THSD7A: variants seen among roughly 807,000 people sequenced by gnomAD.
The protein encoded by THSD7A is thrombospondin type-1 domain-containing protein 7A.
Under a neutral mutation model 231.3 loss-of-function variants are expected in THSD7A, and 96 were observed. That is an observed-to-expected ratio of 0.41 (90% CI 0.35 to 0.49). The LOEUF (loss-of-function observed/expected upper bound fraction) is 0.49. Ranked by LOEUF, THSD7A falls within the 20% of genes least tolerant of loss-of-function variation. The probability of loss-of-function intolerance (pLI) is 0.05; values close to 1 mark genes in which losing one functional copy is unlikely to be tolerated. For synonymous variants in THSD7A, 940 were observed against 743.3 expected, an observed-to-expected ratio of 1.26 and a Z score of -4.30; for missense variants, 2,290 against 2,070.2, an observed-to-expected ratio of 1.11 and a Z score of -2.06.
At chr7:11,826,761 A>C (rs530346880) in intron 1 of THSD7A, among the ~76,000 whole-genome samples, 1 of 151,196 alleles carries the variant, frequency 6.6e-6, no homozygotes, top group Non-Finnish European at 1.5e-5. Context: ...GCAGTGAGCC[A>C]AGATCATGCC....
At chr7:11,582,238 CT>C (rs1348638868) in intron 4 of THSD7A, among the ~76,000 whole-genome samples, 1 of 151,312 alleles carries the variant, frequency 6.6e-6, no homozygotes, top group African/African-American at 2.4e-5. Context: ...ATTATTAATA[CT>C]TGATTATATT....
At chr7:11,642,859 G>T (rs760256016) in intron 1 of THSD7A, among the ~76,000 whole-genome samples, 15 of 151,964 alleles carry the variant, frequency 9.9e-5, no homozygotes, top group Non-Finnish European at 2.1e-4. Flanking sequence ...GTTCAAAACT[G>T]TCTCTTTATT....
intron 5 of THSD7A, 146 bp downstream of exon 5, chr7:11,542,816 A>T: frequency 1.2e-6 from 1 of 851,298 alleles, no homozygotes; most frequent in Non-Finnish European, 1.8e-6. Context: ...ATCACTGGAG[A>T]AGGTTAATTC....
At chr7:11,471,344 T>C (rs1042870223) in intron 8 of THSD7A, among the ~76,000 whole-genome samples, 2 of 152,008 alleles carry the variant, frequency 1.3e-5, no homozygotes, top group African/African-American at 4.8e-5. Flanking sequence ...AAATATTTTG[T>C]AGCTCAAGTT....
At chr7:11,812,842 C>A (rs1784572789) in intron 1 of THSD7A, among the ~76,000 whole-genome samples, 1 of 152,088 alleles carries the variant, frequency 6.6e-6, no homozygotes, top group Non-Finnish European at 1.5e-5. Flanking sequence ...GTCCTGGCTG[C>A]TGGTTTTAAA....
At chr7:11,460,483 C>T (rs1351528876) in intron 11 of THSD7A, among the ~76,000 whole-genome samples, 179 bp downstream of exon 11, 1 of 152,092 alleles carries the variant, frequency 6.6e-6, no homozygotes, top group African/African-American at 2.4e-5. Context: ...TGCCAAAGAA[C>T]AATGGGAACA....
intron 2 of THSD7A, among the ~76,000 whole-genome samples, chr7:11,626,258 C>T (rs1055350628): frequency 6.6e-6 from 1 of 151,886 alleles, no homozygotes; most frequent in African/African-American, 2.4e-5. Context: ...GTTCTTACAA[C>T]ACAAAATAAT....
At chr7:11,516,354 T>G (rs1788029394) in intron 6 of THSD7A, among the ~76,000 whole-genome samples, 1 of 152,218 alleles carries the variant, frequency 6.6e-6, no homozygotes, top group South Asian at 2.1e-4. Context: ...TAAGCTAATG[T>G]CCGTGTACCC....
intron 1 of THSD7A, among the ~76,000 whole-genome samples, chr7:11,672,662 A>G (rs1454126232): frequency 1.3e-5 from 2 of 152,154 alleles, no homozygotes; most frequent in Non-Finnish European, 2.9e-5. Context: ...ATAGTATCAC[A>G]CACTCACTTT....
At chr7:11,812,937 G>A (rs1409842461) in intron 1 of THSD7A, among the ~76,000 whole-genome samples, 1 of 152,130 alleles carries the variant, frequency 6.6e-6, no homozygotes. Context: ...TATTAATGAA[G>A]AAATCGTGAG....
chr7:11,733,921 A>G (rs995724930), intron 1 of THSD7A, among the ~76,000 whole-genome samples: 5 of 151,866 alleles, frequency 3.3e-5, no homozygotes, highest in African/African-American at 1.2e-4. Context: ...ATGTCTGGCT[A>G]CTATATTACC....
intron 4 of THSD7A, among the ~76,000 whole-genome samples, chr7:11,583,784 A>G (rs1791274048): frequency 1.3e-5 from 2 of 152,120 alleles, no homozygotes; most frequent in African/African-American, 4.8e-5. Context: ...CAGGCATTCT[A>G]GTAGTACCAG....
At chr7:11,753,956 A>G (rs1298022120) in intron 1 of THSD7A, among the ~76,000 whole-genome samples, 2 of 151,990 alleles carry the variant, frequency 1.3e-5, no homozygotes, top group Non-Finnish European at 2.9e-5. Flanking sequence ...ACAACAACAA[A>G]CAGACACACT....
At chr7:11,516,032 T>G (rs1788017411) in intron 6 of THSD7A, among the ~76,000 whole-genome samples, 1 of 152,156 alleles carries the variant, frequency 6.6e-6, no homozygotes, top group Non-Finnish European at 1.5e-5. Context: ...GAACTTTTGG[T>G]TGTGATCATT....
At chr7:11,485,818 T>C (rs73068765) in intron 6 of THSD7A, among the ~76,000 whole-genome samples, 20,441 of 152,256 alleles carry the variant, frequency 0.13, 1,536 homozygotes, top group Middle Eastern at 0.19. Context: ...CACACAGTGC[T>C]TCAAATACAA....
At chr7:11,412,236 T>A (rs1221747742) in intron 18 of THSD7A, among the ~76,000 whole-genome samples, 1 of 152,226 alleles carries the variant, frequency 6.6e-6, no homozygotes, top group Non-Finnish European at 1.5e-5. Flanking sequence ...TTAAGATTGC[T>A]GACTAATCAT....
chr7:11,720,282 C>T (rs1247565550), intron 1 of THSD7A, among the ~76,000 whole-genome samples: 1 of 151,766 alleles, frequency 6.6e-6, no homozygotes, highest in African/African-American at 2.4e-5. Flanking sequence ...CATCTCACAA[C>T]ACAAAAAGTA....
intron 16 of THSD7A, among the ~76,000 whole-genome samples, chr7:11,418,568 T>TA (rs2115400381): frequency 6.6e-6 from 1 of 152,334 alleles, no homozygotes; most frequent in South Asian, 2.1e-4. Context: ...CTCTCAAACC[T>TA]AGTGTCATGT....
chr7:11,389,801 A>T (rs569831476), intron 23 of THSD7A, among the ~76,000 whole-genome samples: 1 of 152,168 alleles, frequency 6.6e-6, no homozygotes, highest in Admixed American at 6.5e-5. Context: ...CTGGTAAGGC[A>T]GGCCTGGTGG....
Sources: allele counts gnomAD v4.1 joint callset (sites outside exome capture counted in the v4.1 genomes callset), GRCh38; gene constraint gnomAD v4.1.1; transcripts MANE v1.5; gene names NCBI Gene and HGNC (gene_info 2026-07-23, HGNC 2026-07-21).